The following MICALL1 variants were observed in gnomAD, a reference collection of about 807,000 sequenced individuals.
The protein encoded by MICALL1 is MICAL like 1, also known as MICAL-like protein 1.
A neutral mutation model predicts 83.7 loss-of-function variants in MICALL1; 61 were observed. The observed-to-expected ratio is 0.73, with a 90% CI of 0.59 to 0.90. MICALL1 has a LOEUF of 0.90. Ranked by LOEUF, MICALL1 falls within the 40% of genes least tolerant of loss-of-function variation. The pLI, the probability that MICALL1 is intolerant of heterozygous loss-of-function variation, is 0.00. For synonymous variants in MICALL1, 481 were observed against 473.6 expected, an observed-to-expected ratio of 1.02 and a Z score of -0.20; for missense variants, 1,066 against 1,152.0, an observed-to-expected ratio of 0.93 and a Z score of 1.08.
Position 37,941,349 on chromosome 22 carries a change from C to G in MICALL1, c.*519C>G, listed in dbSNP as rs1930427137. On this transcript the variant is annotated 3_prime_UTR_variant, in exon 16 of 16. Coordinates refer to ENST00000215957, the MANE Select transcript of MICALL1 (RefSeq NM_033386.4). ...TTTCCCTCACTCAGGAACTCTGTTT[C>G]TGAAGTCTTCAGTTAAGTTTGAGTT... is the stretch of plus-strand genomic sequence containing the variant. The G allele has an allele frequency of 6.4e-6, 1 of 155,686 alleles. No individual in the cohort carries two copies. The highest frequency in any genetic ancestry group is 6.2e-5 in the Admixed American group (1 of 16,152). The allele number at this position is 155,686 out of a possible 1,614,324, so 9.6% of individuals were successfully genotyped here. A position where few individuals can be genotyped will look rare whatever the true frequency, so the allele number is the denominator to read the frequency against.
Position 37,924,637 on chromosome 22 carries a change from G to T in MICALL1, c.1025-23G>T. ...ACCTCCTGCTGCCCATGAAGGCCTGGCTCACTCTCCTTTCCCATCTAGGGA... is the reference window on the plus strand; with the variant it reads ...ACCTCCTGCTGCCCATGAAGGCCTGTCTCACTCTCCTTTCCCATCTAGGGA... On this transcript the variant is annotated intron_variant, in intron 6 of 15. Coordinates refer to ENST00000215957, the MANE Select transcript of MICALL1 (RefSeq NM_033386.4). This position sits in a 1 kb window ranked among gnomAD's most constrained non-coding sequence, Gnocchi z 5.2. 6.2e-7 allele frequency: 1 copy of T among 1,605,716 alleles called. No homozygotes were observed. Among genetic ancestry groups the T allele is most frequent in the Non-Finnish European group, 8.5e-7 (1 of 1,175,290 alleles).
At chr22:37,908,331 C>T (rs927564831) in intron 1 of MICALL1, among the ~76,000 whole-genome samples, 2 of 150,750 alleles carry the variant, frequency 1.3e-5, no homozygotes, top group African/African-American at 4.9e-5. Context: ...GATGGGGTCT[C>T]ACTCTGTCAC....
At chr22:37,922,796 G>GTTTTTTTTTTTTTTTTTT (rs574266914) in intron 6 of MICALL1, among the ~76,000 whole-genome samples, 2 of 69,196 alleles carry the variant, frequency 2.9e-5, no homozygotes, top group African/African-American at 5.8e-5. Context: ...GTTTTTTTTT[G>GTTTTTTTTTTTTTTTTTT]TTTTTTTTTT....
At position 37,906,530 on chromosome 22, in the gene MICALL1, C is replaced by A; in HGVS notation, c.108C>A (p.Ala36=). The stretch of plus-strand genomic sequence containing the variant: ...GCAGCTCCTTCCGGGACGGCCTGGC[C>A]TTCTGCGCCATCCTGCACCGGCACC... The part of the protein sequence containing the change: ...DLSSSFRDGL[A]FCAILHRHRP... Residue 36 remains alanine, a synonymous_variant, in exon 1 of 16, where the codon GCC becomes GCA. Coordinates refer to ENST00000215957, the MANE Select transcript of MICALL1 (RefSeq NM_033386.4). This position sits in a 1 kb window ranked among gnomAD's most constrained non-coding sequence, Gnocchi z 4.4. 3 of 1,229,844 alleles carry A rather than the reference C, an allele frequency of 2.4e-6. No homozygotes were observed. Among genetic ancestry groups the A allele is most frequent in the South Asian group, 2.9e-5 (1 of 34,394 alleles). 76.2% of individuals were successfully genotyped at this position (1,229,844 alleles called of 1,614,324 possible).
chr22:37,924,963 T>G lies in MICALL1; in HGVS notation c.1082+246T>G, dbSNP rs1338096184. ...GCCCGGTGCAGGCAGCCACCTCTGG[T>G]ACCCGTTGCCTCTCCAGGCTCCTTT... On this transcript the variant is annotated intron_variant, in intron 7 of 15. Transcript: ENST00000215957. The surrounding 1 kb of genome is among the most constrained non-coding windows in gnomAD (Gnocchi z 5.2). Among the ~76,000 whole-genome samples the G allele has an allele frequency of 6.6e-6, 1 of 152,152 alleles. No homozygotes were observed. Among genetic ancestry groups the G allele is most frequent in the Non-Finnish European group, 1.5e-5 (1 of 68,016 alleles).
rs961598136 is a variant in MICALL1 at position 37,925,655 on chromosome 22, C to T, written c.1083-6C>T. ...AATGGTTTCTGCTGCTTCCCCCCTCCTCCAGGACACCAGCCCCCAGGAAGG... is the reference window on the plus strand; with the variant it reads ...AATGGTTTCTGCTGCTTCCCCCCTCTTCCAGGACACCAGCCCCCAGGAAGG... On this transcript the variant is annotated splice_region_variant and splice_polypyrimidine_tract_variant and intron_variant, in intron 7 of 15. Coordinates refer to ENST00000215957, the MANE Select transcript of MICALL1 (RefSeq NM_033386.4). 2 of 1,598,818 alleles carry T rather than the reference C, an allele frequency of 1.3e-6. No homozygotes were observed. The highest frequency in any genetic ancestry group is 1.7e-6 in the Non-Finnish European group (2 of 1,171,672).
Position 37,932,858 on chromosome 22 carries a change from T to C in MICALL1, c.2204T>C (p.Leu735Pro), listed in dbSNP as rs1313209336. The change falls in exon 12 of 16, where the codon CTG becomes CCG. Residue 735 changes from leucine (L) to proline (P), a missense_variant. By Grantham distance (98) the Leu-to-Pro change is moderately conservative (BLOSUM62 -3). Transcript: ENST00000215957. The surrounding 1 kb of genome is among the most constrained non-coding windows in gnomAD (Gnocchi z 4.4). ...AAGCTCATCCACGAGAAGCACCTAC[T>C]GGTGCGGCGAGAGTCCGAGCTCATC... Reference protein sequence around the residue: ...WFKLIHEKHLLVRRESELIYV... With the variant: ...WFKLIHEKHLPVRRESELIYV... 3 of 1,614,116 alleles carry C rather than the reference T, an allele frequency of 1.9e-6. No individual in the cohort carries two copies. The highest frequency in any genetic ancestry group is 2.5e-6 in the Non-Finnish European group (3 of 1,180,000).
chr22:37,918,997 A>G, intron 4 of MICALL1, 39 bp from the exon 5 acceptor site: 1 of 1,517,548 alleles, frequency 6.6e-7, no homozygotes. Context: ...GCTGGTGACC[A>G]TGTCCTGCTC....
intron 3 of MICALL1, among the ~76,000 whole-genome samples, chr22:37,915,855 C>G (rs1299187586): frequency 6.6e-6 from 1 of 152,000 alleles, no homozygotes; most frequent in Non-Finnish European, 1.5e-5. Flanking sequence ...CTATGATGGC[C>G]GGTCTGGTCT....
intron 15 of MICALL1, among the ~76,000 whole-genome samples, chr22:37,940,120 T>C (rs1477414252): frequency 6.6e-6 from 1 of 151,074 alleles, no homozygotes; most frequent in African/African-American, 2.4e-5. Context: ...ATGGATGCCA[T>C]GCTTCAGAAT....
In MICALL1 at chr22:37,942,292, C is replaced by G. The variant is rs1209274344; in HGVS notation, c.*1462C>G. 1 of 152,236 alleles carries G rather than the reference C, an allele frequency of 6.6e-6. No homozygotes were observed. Among genetic ancestry groups the G allele is most frequent in the Non-Finnish European group, 1.5e-5 (1 of 68,044 alleles). The allele number at this position is 152,236 out of a possible 1,614,324, so 9.4% of individuals were successfully genotyped here. A position where few individuals can be genotyped will look rare whatever the true frequency, so the allele number is the denominator to read the frequency against. ...GGCCTTTCCAGGGCCAGACAGGTAA[C>G]ACGCATGAACCCGAGTGACAGCTCT... On this transcript the variant is annotated 3_prime_UTR_variant, in exon 16 of 16. Transcript: ENST00000215957.
chr22:37,914,661 G>C (rs933244436), intron 3 of MICALL1, among the ~76,000 whole-genome samples: 1 of 150,322 alleles, frequency 6.7e-6, no homozygotes, highest in Non-Finnish European at 1.5e-5. Flanking sequence ...TTTGAGACAG[G>C]GTTTTACTCT....
Position 37,917,749 on chromosome 22 carries a change from C to T in MICALL1, c.380C>T (p.Pro127Leu), listed in dbSNP as rs767394714. The part of the protein sequence containing the change: ...PPRKGLAPCS[P>L]PSVAPTPVEP... ...AGAAAGGGCCTTGCACCCTGTTCCCCGCCGTCTGTAGCACCCACTCCAGTG... is the reference window on the plus strand; with the variant it reads ...AGAAAGGGCCTTGCACCCTGTTCCCTGCCGTCTGTAGCACCCACTCCAGTG... The change falls in exon 4 of 16, where the codon CCG becomes CTG. Residue 127 changes from proline to leucine, a missense_variant. By Grantham distance (98) the Pro-to-Leu change is moderately conservative (BLOSUM62 -3). Coordinates refer to ENST00000215957, the MANE Select transcript of MICALL1 (RefSeq NM_033386.4). 8 of 1,613,802 alleles carry T rather than the reference C, an allele frequency of 5.0e-6. No homozygotes were observed. Among genetic ancestry groups the T allele is most frequent in the Admixed American group, 3.3e-5 (2 of 59,990 alleles).
Position 37,915,794 on chromosome 22 carries a change from C to T in MICALL1, c.338-1913C>T, listed in dbSNP as rs189003077. On this transcript the variant is annotated intron_variant, in intron 3 of 15. Coordinates refer to ENST00000215957, the MANE Select transcript of MICALL1 (RefSeq NM_033386.4). The stretch of plus-strand genomic sequence containing the variant: ...CCAAGTAGCTGGGATTACAGGTGCG[C>T]ACCACCACGCCTGGCTTAATTTTTG... Among the ~76,000 whole-genome samples the T allele has an allele frequency of 3.9e-5, 6 of 151,934 alleles. No homozygotes were observed. The East Asian group carries it at 1.2e-3, about 29-fold the overall frequency.
At chr22:37,926,958 A>G (rs1929482810) in intron 8 of MICALL1, 2 of 174,610 alleles carry the variant, frequency 1.1e-5, no homozygotes, top group Non-Finnish European at 2.4e-5. Context: ...AAATGCAGAT[A>G]ATGTGTTTGG....
Position 37,922,216 on chromosome 22 carries a change from G to T in MICALL1, c.814G>T (p.Ala272Ser). The change falls in exon 6 of 16, where the codon GCC becomes TCC. Residue 272 changes from alanine (A) to serine (S), a missense_variant. Ala to Ser is a moderately conservative substitution (Grantham distance 99). Coordinates refer to ENST00000215957, the MANE Select transcript of MICALL1 (RefSeq NM_033386.4). Reference sequence around the variant, plus strand: ...AGGGGCTGAGGCCGATGGACCCAAGGCCAGCCCTGAGGCCCGGCCGCAGAT... The same window carrying T: ...AGGGGCTGAGGCCGATGGACCCAAGTCCAGCCCTGAGGCCCGGCCGCAGAT... ...PAGAEADGPK[A>S]SPEARPQIPT... The T allele has an allele frequency of 6.2e-7, 1 of 1,610,868 alleles. No individual in the cohort carries two copies. The highest frequency in any genetic ancestry group is 2.2e-5 in the East Asian group (1 of 44,810).
Position 37,922,053 on chromosome 22 carries a change from C to T in MICALL1, c.651C>T (p.His217=). The change falls in exon 6 of 16, where the codon CAC becomes CAT. Residue 217 remains histidine, a synonymous_variant. Coordinates refer to ENST00000215957, the MANE Select transcript of MICALL1 (RefSeq NM_033386.4). The stretch of plus-strand genomic sequence containing the variant: ...AGGGCACCTTTGTGTGTGCAGAACA[C>T]TGTGCCAGGCTGGGCCCGGGGACAC... The part of the protein sequence containing the change: ...PEEGTFVCAE[H]CARLGPGTRS... 1 of 1,613,432 alleles carries T rather than the reference C, an allele frequency of 6.2e-7. No homozygotes were observed. Among genetic ancestry groups the T allele is most frequent in the Non-Finnish European group, 8.5e-7 (1 of 1,179,982 alleles).
rs775170773 is a variant in MICALL1 at position 37,922,046 on chromosome 22, C to T, written c.644C>T (p.Ala215Val). The T allele has an allele frequency of 6.2e-6, 10 of 1,613,352 alleles. No homozygotes were observed. Among genetic ancestry groups the T allele is most frequent in the Non-Finnish European group, 8.5e-6 (10 of 1,179,910 alleles). Reference sequence around the variant, plus strand: ...CCTGAGGAGGGCACCTTTGTGTGTGCAGAACACTGTGCCAGGCTGGGCCCG... The same window carrying T: ...CCTGAGGAGGGCACCTTTGTGTGTGTAGAACACTGTGCCAGGCTGGGCCCG... Reference protein sequence around the residue: ...NGPEEGTFVCAEHCARLGPGT... With the variant: ...NGPEEGTFVCVEHCARLGPGT... The change falls in exon 6 of 16, where the codon GCA becomes GTA. Residue 215 changes from alanine (A) to valine (V), a missense_variant. Physicochemically the swap from Ala to Val is moderately conservative, Grantham distance 64. Transcript: ENST00000215957.
Position 37,912,452 on chromosome 22 carries a change from T to C in MICALL1, c.297T>C (p.Tyr99=), listed in dbSNP as rs1257261510. The change falls in exon 3 of 16, where the codon TAT becomes TAC. Residue 99 remains tyrosine (Y), a synonymous_variant. Coordinates refer to ENST00000215957, the MANE Select transcript of MICALL1 (RefSeq NM_033386.4). ...CTGACTGCCTCAGCATCATGACCTA[T>C]GTGTCCCAGTATTACAACCACTTCT... ...SVPDCLSIMT[Y]VSQYYNHFCS... 3.1e-6 allele frequency: 5 copies of C among 1,613,726 alleles called. No homozygotes were observed. Among genetic ancestry groups the C allele is most frequent in the Non-Finnish European group, 4.2e-6 (5 of 1,179,830 alleles).
Sources: allele counts gnomAD v4.1 joint callset (sites outside exome capture counted in the v4.1 genomes callset), GRCh38; gene constraint gnomAD v4.1.1; non-coding constraint Gnocchi (gnomAD v3.1); transcripts MANE v1.5; gene names NCBI Gene and HGNC (gene_info 2026-07-23, HGNC 2026-07-21).